Variants in ADAMTS6 observed in about 807,000 individuals in gnomAD.
The protein encoded by ADAMTS6 is A disintegrin and metalloproteinase with thrombospondin motifs 6.
ADAMTS6 carries 23 observed loss-of-function variants against 144.3 expected under a neutral mutation model. That is an observed-to-expected ratio of 0.16 (90% CI 0.11 to 0.23). ADAMTS6 has a LOEUF of 0.23. Ranked by LOEUF, ADAMTS6 falls within the 10% of genes least tolerant of loss-of-function variation. The pLI is 1.00. For synonymous variants in ADAMTS6, 444 were observed against 457.5 expected, an observed-to-expected ratio of 0.97 and a Z score of 0.38; for missense variants, 999 against 1,379.6, an observed-to-expected ratio of 0.72 and a Z score of 4.37.
Position 65,192,949 on chromosome 5 carries a change from T to C in ADAMTS6, c.2705+4073A>G, listed in dbSNP as rs958345291. ...ATACTGTACTTATAAATTCTCTCAA[T>C]ATAACTAAAGACATTTGAAATATTT... On this transcript the variant is annotated intron_variant, in intron 21 of 24. Transcript: ENST00000381055. Among the ~76,000 whole-genome samples, 5 of 152,100 alleles carry C rather than the reference T, an allele frequency of 3.3e-5. No individual in the cohort carries two copies. The South Asian group carries it at 6.2e-4, about 19-fold the overall frequency.
chr5:65,316,392 A>T (rs1448289887), intron 9 of ADAMTS6, among the ~76,000 whole-genome samples: 1 of 152,230 alleles, frequency 6.6e-6, no homozygotes, highest in African/African-American at 2.4e-5. Context: ...AAATATTTTT[A>T]AAATATTCAA....
intron 7 of ADAMTS6, among the ~76,000 whole-genome samples, chr5:65,421,555 A>G (rs1408410504): frequency 6.6e-6 from 1 of 152,228 alleles, no homozygotes; most frequent in African/African-American, 2.4e-5. Context: ...CAATAAACAA[A>G]TCTGGAAGCA....
chr5:65,419,379 G>C (rs1405386611), intron 7 of ADAMTS6, among the ~76,000 whole-genome samples: 1 of 152,068 alleles, frequency 6.6e-6, no homozygotes, highest in African/African-American at 2.4e-5. Context: ...GGCAACAATA[G>C]AAATTGAGAA....
intron 4 of ADAMTS6, 143 bp downstream of exon 4, chr5:65,460,027 A>G (rs947663124): frequency 1.1e-5 from 8 of 711,094 alleles, no homozygotes; most frequent in East Asian, 3.3e-5. Flanking sequence ...CTGGTAGGTG[A>G]CATCTATTAA....
intron 24 of ADAMTS6, among the ~76,000 whole-genome samples, chr5:65,164,057 T>C (rs886687655): frequency 6.6e-6 from 1 of 152,114 alleles, no homozygotes; most frequent in South Asian, 2.1e-4. Flanking sequence ...ACAGCTCTGG[T>C]CAACAGCTCC....
intron 11 of ADAMTS6, among the ~76,000 whole-genome samples, chr5:65,275,396 AAAGAAAGAAAGAAAGAAAGAAAAG>A (rs1206987624): frequency 3.9e-4 from 56 of 142,782 alleles, no homozygotes; most frequent in African/African-American, 1.4e-3. Context: ...AGAAAGAAAG[AAAGAAAGAAAGAAAGAAAGAAAAG>A]AAAGAAAGAA....
intron 7 of ADAMTS6, among the ~76,000 whole-genome samples, chr5:65,408,216 G>C (rs990398467): frequency 4.6e-5 from 7 of 152,134 alleles, no homozygotes; most frequent in Admixed American, 6.6e-5. Flanking sequence ...ATTGGATAAA[G>C]AGTCAAAACC....
At chr5:65,285,792 A>G (rs1379568039) in intron 11 of ADAMTS6, among the ~76,000 whole-genome samples, 1 of 152,198 alleles carries the variant, frequency 6.6e-6, no homozygotes, top group Non-Finnish European at 1.5e-5. Flanking sequence ...AAAAGGCCTC[A>G]TTTACATGAT....
chr5:65,449,581 A>G (rs1758577139), intron 7 of ADAMTS6, among the ~76,000 whole-genome samples: 1 of 152,108 alleles, frequency 6.6e-6, no homozygotes, highest in African/African-American at 2.4e-5. Context: ...AGATCACGCC[A>G]CTGCACTCCA....
At chr5:65,162,997 C>T (rs926429000) in intron 24 of ADAMTS6, among the ~76,000 whole-genome samples, 3 of 152,152 alleles carry the variant, frequency 2.0e-5, no homozygotes, top group African/African-American at 7.2e-5. Context: ...GCAGCCTCAA[C>T]TTCCTGAGTT....
intron 14 of ADAMTS6, among the ~76,000 whole-genome samples, chr5:65,246,479 T>C (rs529078677): frequency 2.8e-4 from 43 of 152,142 alleles, no homozygotes; most frequent in African/African-American, 8.7e-4. Context: ...TAGTTGGAGA[T>C]GAGAAAGAAG....
chr5:65,216,782 T>C (rs866919687), intron 18 of ADAMTS6, among the ~76,000 whole-genome samples: 1 of 148,524 alleles, frequency 6.7e-6, no homozygotes, highest in Non-Finnish European at 1.5e-5. Context: ...TTACAAGAAA[T>C]ACACACACAC....
At chr5:65,387,547 A>C (rs903533478) in intron 7 of ADAMTS6, among the ~76,000 whole-genome samples, 13 of 152,216 alleles carry the variant, frequency 8.5e-5, no homozygotes, top group African/African-American at 3.1e-4. Flanking sequence ...TGATGTCTGA[A>C]GGATACAACA....
At chr5:65,232,872 A>G (rs956641223) in intron 15 of ADAMTS6, among the ~76,000 whole-genome samples, 5 of 152,316 alleles carry the variant, frequency 3.3e-5, no homozygotes, top group African/African-American at 7.2e-5. Flanking sequence ...CCCTAATAAC[A>G]AGCCAGACAA....
chr5:65,213,715 C>T (rs2112324603), intron 20 of ADAMTS6, among the ~76,000 whole-genome samples: 1 of 151,844 alleles, frequency 6.6e-6, no homozygotes, highest in Middle Eastern at 3.4e-3. Flanking sequence ...TAAAAATAAC[C>T]TCTCTGATTT....
At chr5:65,296,121 C>T (rs1465187382) in intron 10 of ADAMTS6, among the ~76,000 whole-genome samples, 2 of 152,030 alleles carry the variant, frequency 1.3e-5, no homozygotes, top group Non-Finnish European at 2.9e-5. Flanking sequence ...AAAAAGAAAT[C>T]TTTCTATATA....
chr5:65,167,314 C>A (rs1418448386), intron 24 of ADAMTS6, among the ~76,000 whole-genome samples: 1 of 151,226 alleles, frequency 6.6e-6, no homozygotes, highest in Admixed American at 6.6e-5. Flanking sequence ...ACACATACAC[C>A]CTCCCAAGAC....
intron 11 of ADAMTS6, among the ~76,000 whole-genome samples, chr5:65,275,582 G>C (rs1170256455): frequency 1.3e-5 from 2 of 151,432 alleles, no homozygotes; most frequent in East Asian, 1.9e-4. Flanking sequence ...TGTTTTAAGA[G>C]GTTATTTATA....
chr5:65,388,948 C>A (rs1051373740), intron 7 of ADAMTS6, among the ~76,000 whole-genome samples: 5 of 152,210 alleles, frequency 3.3e-5, no homozygotes, highest in Admixed American at 6.5e-5. Flanking sequence ...TGGCTCAAGC[C>A]TGTAATCCCA....
Sources: gnomAD v4.1 joint callset for allele counts (sites outside exome capture counted in the v4.1 genomes callset) on GRCh38, gnomAD v4.1.1 for gene constraint, MANE v1.5 for transcripts, NCBI Gene and HGNC (gene_info 2026-07-23, HGNC 2026-07-21) for gene names.